Variants in MATN2 observed in about 807,000 individuals in gnomAD.
MATN2 encodes matrilin 2, also known as matrilin-2.
A neutral mutation model predicts 103.2 loss-of-function variants in MATN2; 69 were observed. That is an observed-to-expected ratio of 0.67 (90% CI 0.55 to 0.82). MATN2 has a LOEUF of 0.82. MATN2 is among the 40% of genes least tolerant of loss of function. MATN2 has a pLI of 0.00. For missense variants in MATN2, 1,023 were observed against 1,211.5 expected (o/e 0.84, Z 2.31); for synonymous variants, 429 against 450.2 (o/e 0.95, Z 0.60).
intron 13 of MATN2, among the ~76,000 whole-genome samples, chr8:98,022,855 A>C (rs1813653126): frequency 6.6e-6 from 1 of 152,162 alleles, no homozygotes; most frequent in Admixed American, 6.5e-5. Context: ...TGGGAGGCCA[A>C]GACGGGCAGA....
intron 2 of MATN2, among the ~76,000 whole-genome samples, chr8:97,894,617 TG>T (rs1162560556): frequency 1.3e-5 from 2 of 152,188 alleles, no homozygotes; most frequent in East Asian, 3.9e-4. Flanking sequence ...CCATTCCTCC[TG>T]GCAGAATTCA....
chr8:97,997,455 G>T (rs1306664498), intron 7 of MATN2, among the ~76,000 whole-genome samples: 2 of 152,296 alleles, frequency 1.3e-5, no homozygotes, highest in East Asian at 3.9e-4. Flanking sequence ...ACTACCTGGG[G>T]TCACTGATCT....
chr8:98,011,895 C>G (rs983657283), intron 10 of MATN2, among the ~76,000 whole-genome samples: 1 of 152,196 alleles, frequency 6.6e-6, no homozygotes. Flanking sequence ...GACAGGGACC[C>G]TAAAGACCCG....
chr8:97,986,903 G>T (rs1199254218), intron 6 of MATN2, among the ~76,000 whole-genome samples: 1 of 152,100 alleles, frequency 6.6e-6, no homozygotes, highest in African/African-American at 2.4e-5. Context: ...CGCGATCTCG[G>T]CTCACTGCAA....
At chr8:98,017,279 C>T (rs1813397545) in intron 11 of MATN2, among the ~76,000 whole-genome samples, 1 of 152,202 alleles carries the variant, frequency 6.6e-6, no homozygotes, top group African/African-American at 2.4e-5. Context: ...GCACAAATCC[C>T]TCCCAAAGGG....
chr8:98,009,868 T>C (rs1487258767), intron 10 of MATN2, among the ~76,000 whole-genome samples: 1 of 152,142 alleles, frequency 6.6e-6, no homozygotes, highest in African/African-American at 2.4e-5. Context: ...ATAGGCCTGA[T>C]GTGCATGGAC....
At chr8:97,924,658 G>A (rs1306919449) in intron 2 of MATN2, among the ~76,000 whole-genome samples, 1 of 151,774 alleles carries the variant, frequency 6.6e-6, no homozygotes, top group Non-Finnish European at 1.5e-5. Flanking sequence ...AACCATCAGT[G>A]GCTTGACTTA....
At chr8:97,910,816 T>C (rs1384927009) in intron 2 of MATN2, among the ~76,000 whole-genome samples, 1 of 152,168 alleles carries the variant, frequency 6.6e-6, no homozygotes, top group Non-Finnish European at 1.5e-5. Context: ...GTTTTCCCTC[T>C]AGTAAAATGG....
At position 98,026,178 on chromosome 8, in the gene MATN2, CAA is replaced by C. The variant is rs71271184; in HGVS notation, c.1943-1217_1943-1216del. Reference sequence around the variant, plus strand: ...TGGGTAACAGAGCAAGACTCAATCTCAAAAAAAAAAAAAAAAAAAAAATGCCT... The same window carrying C: ...TGGGTAACAGAGCAAGACTCAATCTCAAAAAAAAAAAAAAAAAAAATGCCT... On this transcript the variant is annotated intron_variant, in intron 13 of 18. Transcript: ENST00000254898. Among the ~76,000 whole-genome samples, 4 of 109,720 alleles carry C rather than the reference CAA, an allele frequency of 3.6e-5. No individual in the cohort carries two copies. The Admixed American group carries it at 4.3e-4, about 12-fold the overall frequency. 72.0% of individuals were successfully genotyped at this position (109,720 alleles called of 152,430 possible). A position where few individuals can be genotyped will look rare whatever the true frequency, so the allele number is the denominator to read the frequency against.
intron 6 of MATN2, among the ~76,000 whole-genome samples, chr8:97,981,184 TAAA>T (rs34391429): frequency 2.1e-5 from 3 of 143,100 alleles, no homozygotes; most frequent in Admixed American, 7.0e-5. Context: ...GACCTTGTCT[TAAA>T]AAAAAAAAAA....
chr8:97,886,454 T>G (rs946698933), intron 1 of MATN2, among the ~76,000 whole-genome samples: 1 of 152,206 alleles, frequency 6.6e-6, no homozygotes, highest in Non-Finnish European at 1.5e-5. Flanking sequence ...GATGTAACCT[T>G]GGGCAAGTTA....
intron 8 of MATN2, among the ~76,000 whole-genome samples, chr8:98,004,911 C>T (rs1812919428): frequency 6.6e-6 from 1 of 152,310 alleles, no homozygotes; most frequent in Non-Finnish European, 1.5e-5. Context: ...AGGATAGGAG[C>T]GCCTGAGTGT....
In MATN2 at chr8:97,967,015, C is replaced by G. The variant is rs114170952; in HGVS notation, c.958+5485C>G. On this transcript the variant is annotated intron_variant, in intron 5 of 18. Coordinates refer to ENST00000254898, the MANE Select transcript of MATN2 (RefSeq NM_002380.5). ...TTCCAATCATGGTAGAAGGTGAAGG[C>G]GGAGCAGGCATGTCACATGGTGAGA... 9.2e-3 allele frequency among the ~76,000 whole-genome samples: 1,396 copies of G among 152,232 alleles called. 25 individuals carry two copies. Among genetic ancestry groups the G allele is most frequent in the African/African-American group, 0.029 (1,216 of 41,520 alleles).
At chr8:97,899,559 T>G (rs1042667277) in intron 2 of MATN2, among the ~76,000 whole-genome samples, 1 of 152,216 alleles carries the variant, frequency 6.6e-6, no homozygotes, top group African/African-American at 2.4e-5. Context: ...TCTCCCTGTG[T>G]CTCCACGTGG....
intron 8 of MATN2, 145 bp downstream of exon 8, chr8:98,003,928 A>C: frequency 1.1e-6 from 1 of 882,950 alleles, no homozygotes; most frequent in Admixed American, 2.1e-5. Flanking sequence ...CCTCAGTTTC[A>C]TCACCCATAG....
chr8:97,993,981 A>C (rs912778757), intron 6 of MATN2, among the ~76,000 whole-genome samples: 2 of 151,842 alleles, frequency 1.3e-5, no homozygotes, highest in African/African-American at 4.8e-5. Flanking sequence ...TATGTCAGGA[A>C]GTTTGTCTTT....
chr8:97,873,080 C>A (rs1158649395), intron 1 of MATN2, among the ~76,000 whole-genome samples: 1 of 152,208 alleles, frequency 6.6e-6, no homozygotes, highest in Admixed American at 6.5e-5. Context: ...CATGCGTGAG[C>A]CAACCGCACC....
intron 6 of MATN2, among the ~76,000 whole-genome samples, chr8:97,981,832 G>A (rs1483773760): frequency 6.6e-6 from 1 of 152,140 alleles, no homozygotes; most frequent in African/African-American, 2.4e-5. Flanking sequence ...CAGATCCCCA[G>A]CCCAGGGTGG....
At chr8:97,926,780 A>T (rs1018735265) in intron 2 of MATN2, among the ~76,000 whole-genome samples, 2 of 152,216 alleles carry the variant, frequency 1.3e-5, no homozygotes, top group Non-Finnish European at 2.9e-5. Context: ...GCTTGTCATC[A>T]TCTTTTTGTA....
Sources: gnomAD v4.1 joint callset for allele counts (sites outside exome capture counted in the v4.1 genomes callset) on GRCh38, gnomAD v4.1.1 for gene constraint, MANE v1.5 for transcripts, NCBI Gene and HGNC (gene_info 2026-07-23, HGNC 2026-07-21) for gene names.